Variants in ACSF3 observed in about 807,000 individuals in gnomAD.
ACSF3 encodes the protein acyl-CoA synthetase family member 3.
Under a neutral mutation model 53.2 loss-of-function variants are expected in ACSF3, and 78 were observed. The observed-to-expected ratio is 1.47, with a 90% CI of 1.22 to 1.77. The LOEUF (loss-of-function observed/expected upper bound fraction) is 1.77. Among genes scored for constraint, ACSF3 ranks in the 40% most tolerant of loss-of-function variants. The pLI, the probability that ACSF3 is intolerant of heterozygous loss-of-function variation, is 0.00. For missense variants in ACSF3, 937 were observed against 771.1 expected (o/e 1.22, Z -2.55); for synonymous variants, 414 against 333.1 (o/e 1.24, Z -2.65).
In ACSF3 at chr16:89,154,356, A is replaced by C. The variant is rs887221743; in HGVS notation, c.*149A>C. The C allele has an allele frequency of 6.3e-6, 5 of 799,654 alleles. No individual in the cohort carries two copies. In the African/African-American group the frequency reaches 8.5e-5, roughly 14 times the overall value. 49.5% of individuals were successfully genotyped at this position (799,654 alleles called of 1,614,324 possible). A position where few individuals can be genotyped will look rare whatever the true frequency, so the allele number is the denominator to read the frequency against. ...AGAATCAAGAACTGTTTGGGATGAA[A>C]TCACCATGTGGGGTCCCCAGCCTCG... is the stretch of plus-strand genomic sequence containing the variant. On this transcript the variant is annotated 3_prime_UTR_variant, in exon 11 of 11. Transcript: ENST00000614302.
intron 8 of ACSF3, among the ~76,000 whole-genome samples, chr16:89,138,645 G>T (rs905885456): frequency 6.6e-6 from 1 of 152,208 alleles, no homozygotes; most frequent in Non-Finnish European, 1.5e-5. Flanking sequence ...ATATGTCCAC[G>T]CTGACAGCTC....
At chr16:89,116,877 G>A (rs1057367568) in intron 6 of ACSF3, among the ~76,000 whole-genome samples, 11 of 152,206 alleles carry the variant, frequency 7.2e-5, no homozygotes, top group African/African-American at 1.9e-4. Flanking sequence ...CGATGGCTGC[G>A]GCACCAGCTG....
intron 7 of ACSF3, among the ~76,000 whole-genome samples, chr16:89,128,642 T>A (rs780603904): frequency 2.6e-5 from 4 of 152,228 alleles, no homozygotes; most frequent in Non-Finnish European, 5.9e-5. Context: ...TTGTGGATTA[T>A]TTAGAAGTAT....
At chr16:89,111,367 G>A (rs1434516364) in intron 4 of ACSF3, among the ~76,000 whole-genome samples, 1 of 152,276 alleles carries the variant, frequency 6.6e-6, no homozygotes, top group Non-Finnish European at 1.5e-5. Flanking sequence ...GGGCTGGACT[G>A]TGGCATCGGC....
intron 7 of ACSF3, among the ~76,000 whole-genome samples, chr16:89,130,030 A>G (rs1908956815): frequency 6.6e-6 from 1 of 152,230 alleles, no homozygotes; most frequent in East Asian, 1.9e-4. Flanking sequence ...AAGGAACTCA[A>G]CTTCATTCAT....
chr16:89,099,943 C>T (rs1184385062), intron 2 of ACSF3, among the ~76,000 whole-genome samples: 2 of 151,268 alleles, frequency 1.3e-5, no homozygotes, highest in Admixed American at 6.6e-5. Context: ...GGACTTTGGA[C>T]CAGCCTGGGC....
At chr16:89,121,020 C>A in intron 7 of ACSF3, 107 bp downstream of exon 7, 2 of 986,114 alleles carry the variant, frequency 2.0e-6, no homozygotes, top group Non-Finnish European at 3.1e-6. Context: ...CCCCTCCACG[C>A]AGGGGACCAG....
chr16:89,112,131 A>G lies in ACSF3; in HGVS notation c.862A>G (p.Asn288Asp). The G allele has an allele frequency of 9.1e-7, 1 of 1,097,708 alleles. No homozygotes were observed. Among genetic ancestry groups the G allele is most frequent in the Non-Finnish European group, 1.1e-6 (1 of 888,890 alleles). 68.0% of individuals were successfully genotyped at this position (1,097,708 alleles called of 1,614,324 possible). A position where few individuals can be genotyped will look rare whatever the true frequency, so the allele number is the denominator to read the frequency against. The change falls in exon 5 of 11, where the codon AAT becomes GAT. Residue 288 changes from asparagine (N) to aspartate (D), a missense_variant. Transcript: ENST00000614302. ...KFLSSETPRI[N>D]VFMAVPTIYT... Reference sequence around the variant, plus strand: ...CTTAAGTTCTGAAACGCCGCGGATCAATGTCTTTATGGCAGTGCCTACAAT... The same window carrying G: ...CTTAAGTTCTGAAACGCCGCGGATCGATGTCTTTATGGCAGTGCCTACAAT...
intron 7 of ACSF3, chr16:89,122,263 C>T (rs540896756): frequency 1.6e-5 from 4 of 256,818 alleles, no homozygotes; most frequent in East Asian, 1.1e-4. Context: ...TGGCCTGGGC[C>T]CCCCGCAGTG....
At chr16:89,108,861 A>G (rs1416123167) in intron 4 of ACSF3, among the ~76,000 whole-genome samples, 1 of 152,178 alleles carries the variant, frequency 6.6e-6, no homozygotes, top group African/African-American at 2.4e-5. Flanking sequence ...ATCTCTGTAG[A>G]CATTCATTCA....
In ACSF3 at chr16:89,098,755, G is replaced by C. The variant is rs148444044; in HGVS notation, c.-29G>C. 50 of 454,126 alleles carry C rather than the reference G, an allele frequency of 1.1e-4. No individual in the cohort carries two copies. The highest frequency in any genetic ancestry group is 6.9e-4 in the Middle Eastern group (1 of 1,444). 28.1% of individuals were successfully genotyped at this position (454,126 alleles called of 1,614,324 possible). ...TCCCCTTACCTCCTCTCTCTGGCTCGGGAGCTGGGTGAGTTTGAACTTGGC... is the reference window on the plus strand; with the variant it reads ...TCCCCTTACCTCCTCTCTCTGGCTCCGGAGCTGGGTGAGTTTGAACTTGGC... On this transcript the variant is annotated 5_prime_UTR_variant, in exon 2 of 11. Coordinates refer to ENST00000614302, the MANE Select transcript of ACSF3 (RefSeq NM_001243279.3).
In ACSF3 at chr16:89,114,436, G is replaced by A. The variant is rs150487794; in HGVS notation, c.1075G>A (p.Glu359Lys). The change falls in exon 6 of 11, where the codon GAG (glutamate) becomes AAG (lysine). Residue 359 changes from glutamate to lysine, a missense_variant. Transcript: ENST00000614302. ...HTLLERYGMTEIGMALSGPLT... is the reference protein window; with the variant it reads ...HTLLERYGMTKIGMALSGPLT... ...CCTGCTGGAGCGGTATGGCATGACC[G>A]AGATCGGCATGGCTCTGTCCGGGCC... 1.1e-3 allele frequency: 1,815 copies of A among 1,613,574 alleles called. 1 individual carries two copies. The highest frequency in any genetic ancestry group is 1.4e-3 in the Non-Finnish European group (1,648 of 1,180,028).
At chr16:89,099,356 G>A (rs1046676523) in intron 2 of ACSF3, among the ~76,000 whole-genome samples, 4 of 152,240 alleles carry the variant, frequency 2.6e-5, no homozygotes, top group East Asian at 1.9e-4. Flanking sequence ...GCGGGCCCGC[G>A]CGACCCCTCC....
intron 1 of ACSF3, among the ~76,000 whole-genome samples, chr16:89,095,750 CG>C (rs1415745737): frequency 1.3e-5 from 2 of 152,214 alleles, no homozygotes; most frequent in Non-Finnish European, 2.9e-5. Flanking sequence ...GAGCACGGCG[CG>C]GCCGTTTGTC....
intron 3 of ACSF3, 88 bp from the exon 4 acceptor site, chr16:89,102,516 A>C: frequency 6.7e-7 from 1 of 1,502,964 alleles, no homozygotes; most frequent in Non-Finnish European, 9.2e-7. Flanking sequence ...GGAGGCCCAG[A>C]GCTCCTTTCC....
chr16:89,146,151 T>C (rs919227957), intron 10 of ACSF3, 102 bp downstream of exon 10: 17 of 852,262 alleles, frequency 2.0e-5, no homozygotes, highest in Non-Finnish European at 2.6e-5. Flanking sequence ...GAGGTGGAGA[T>C]GAGGGATCAA....
chr16:89,112,188 CAT>C lies in ACSF3; in HGVS notation c.920_921del (p.His307LeufsTer15). ...YTKLMEYYDR[H>X]FTQPHAQDFL... ...CAAGCTGATGGAGTACTACGACAGG[CAT>C]TTTACCCAGCCGCACGCCCAGGATT... On this transcript the variant is annotated frameshift_variant, in exon 5 of 11. Transcript: ENST00000614302. LOFTEE classifies it high-confidence loss of function. The C allele has an allele frequency of 2.8e-6, 4 of 1,435,694 alleles. No individual in the cohort carries two copies. The highest frequency in any genetic ancestry group is 3.7e-6 in the Non-Finnish European group (4 of 1,081,724). The allele number at this position is 1,435,694 out of a possible 1,614,324, so 88.9% of individuals were successfully genotyped here.
At chr16:89,137,734 A>G (rs1294815994) in intron 8 of ACSF3, among the ~76,000 whole-genome samples, 1 of 152,006 alleles carries the variant, frequency 6.6e-6, no homozygotes, top group Non-Finnish European at 1.5e-5. Flanking sequence ...GGGCTGGAGA[A>G]CCCCCAGACT....
chr16:89,121,867 C>T (rs533889431), intron 7 of ACSF3, among the ~76,000 whole-genome samples: 1 of 152,328 alleles, frequency 6.6e-6, no homozygotes, highest in East Asian at 1.9e-4. Context: ...CGTGGTTGGA[C>T]GTTTTAGCTC....
Sources: allele counts gnomAD v4.1 joint callset (sites outside exome capture counted in the v4.1 genomes callset), GRCh38; gene constraint gnomAD v4.1.1; transcripts MANE v1.5; gene names NCBI Gene and HGNC (gene_info 2026-07-23, HGNC 2026-07-21).